TNFRSF19: variants seen among roughly 807,000 people sequenced by gnomAD.
The protein encoded by TNFRSF19 is TNF receptor superfamily member 19.
A neutral mutation model predicts 46.4 loss-of-function variants in TNFRSF19; 27 were observed. The ratio of observed to expected loss-of-function variants is 0.58; its 90% confidence interval spans 0.43 to 0.80. The LOEUF (loss-of-function observed/expected upper bound fraction) is 0.80, where lower values mean the gene tolerates loss of function less well. Ranked by LOEUF, TNFRSF19 falls within the 30% of genes least tolerant of loss-of-function variation. TNFRSF19 has a pLI of 0.00. For synonymous variants in TNFRSF19, 204 were observed against 205.0 expected (o/e 1.00, Z 0.04); for missense variants, 511 against 530.8 (o/e 0.96, Z 0.37).
chr13:23,597,594 G>A (rs1879825910), intron 3 of TNFRSF19, among the ~76,000 whole-genome samples: 1 of 144,272 alleles, frequency 6.9e-6, no homozygotes, highest in Admixed American at 6.9e-5. Context: ...CTGAAATTGA[G>A]GCAATAATTA....
chr13:23,601,532 C>A (rs1880165807), intron 3 of TNFRSF19, among the ~76,000 whole-genome samples: 1 of 152,118 alleles, frequency 6.6e-6, no homozygotes, highest in Non-Finnish European at 1.5e-5. Context: ...CATGGATCTA[C>A]ATAAAAGAGC....
At chr13:23,664,645 G>A (rs1951588795) in intron 7 of TNFRSF19, among the ~76,000 whole-genome samples, 1 of 152,122 alleles carries the variant, frequency 6.6e-6, no homozygotes, top group Non-Finnish European at 1.5e-5. Flanking sequence ...TGTCCTCTTG[G>A]AACTGTCTAA....
rs1053372129 is a variant in TNFRSF19 at position 23,614,966 on chromosome 13, A to G, written c.181-901A>G. 1.8e-4 allele frequency among the ~76,000 whole-genome samples: 28 copies of G among 152,050 alleles called. 1 individual carries two copies. Among genetic ancestry groups the G allele is most frequent in the Non-Finnish European group, 4.1e-4 (28 of 68,012 alleles). On this transcript the variant is annotated intron_variant, in intron 3 of 9. Coordinates refer to ENST00000248484, the MANE Select transcript of TNFRSF19 (RefSeq NM_148957.4). ...GATTGGGAAGGAGTATGGATTATTGAGATAATGGTGTAAAGTTCTTGGTCT... is the reference window on the plus strand; with the variant it reads ...GATTGGGAAGGAGTATGGATTATTGGGATAATGGTGTAAAGTTCTTGGTCT...
chr13:23,585,450 C>G (rs1878755978), intron 1 of TNFRSF19: 1 of 152,186 alleles, frequency 6.6e-6, no homozygotes. Flanking sequence ...CATTCTTCCT[C>G]CTTAGTGATT....
intron 1 of TNFRSF19, among the ~76,000 whole-genome samples, chr13:23,577,021 G>T (rs1256696515): frequency 6.6e-6 from 1 of 152,200 alleles, no homozygotes; most frequent in Admixed American, 6.5e-5. Flanking sequence ...TAAGTGCTAG[G>T]CATTGGCCTA....
intron 5 of TNFRSF19, among the ~76,000 whole-genome samples, chr13:23,651,987 T>TA (rs1468997971): frequency 6.6e-6 from 1 of 151,260 alleles, no homozygotes; most frequent in Non-Finnish European, 1.5e-5. Context: ...TGTTTGGCAT[T>TA]AAAAAGTATG....
At chr13:23,649,429 A>G (rs1883511159) in intron 5 of TNFRSF19, among the ~76,000 whole-genome samples, 2 of 151,830 alleles carry the variant, frequency 1.3e-5, no homozygotes, top group Non-Finnish European at 2.9e-5. Flanking sequence ...TCATTTCTGA[A>G]TTTAGTAATT....
At chr13:23,673,303 C>T in intron 9 of TNFRSF19, 69 bp from the exon 10 acceptor site, 1 of 1,520,816 alleles carries the variant, frequency 6.6e-7, no homozygotes, top group South Asian at 1.3e-5. Context: ...TAATTCTTTA[C>T]CATTGAAATT....
At chr13:23,620,172 T>TTTAA (rs538098362) in intron 4 of TNFRSF19, among the ~76,000 whole-genome samples, 29 of 152,332 alleles carry the variant, frequency 1.9e-4, no homozygotes, top group African/African-American at 7.0e-4. Context: ...ACTCTTCCAG[T>TTTAA]TTAACTGTAC....
intron 1 of TNFRSF19, among the ~76,000 whole-genome samples, chr13:23,577,795 A>C (rs1250086884): frequency 6.6e-6 from 1 of 152,196 alleles, no homozygotes; most frequent in African/African-American, 2.4e-5. Context: ...GTAGGGCTGC[A>C]CCTGGACATC....
intron 1 of TNFRSF19, among the ~76,000 whole-genome samples, chr13:23,584,599 G>A (rs991379124): frequency 2.7e-5 from 4 of 149,976 alleles, no homozygotes; most frequent in African/African-American, 7.4e-5. Context: ...CCAGTAGTGG[G>A]ATTGCTGGAT....
intron 4 of TNFRSF19, among the ~76,000 whole-genome samples, chr13:23,621,778 TAAA>T (rs201195182): frequency 9.5e-4 from 139 of 146,942 alleles, no homozygotes; most frequent in Non-Finnish European, 9.4e-4. Context: ...ACCCTATCTC[TAAA>T]AAAAAAAAAA....
At chr13:23,615,171 T>C (rs1881185211) in intron 3 of TNFRSF19, among the ~76,000 whole-genome samples, 1 of 152,178 alleles carries the variant, frequency 6.6e-6, no homozygotes, top group South Asian at 2.1e-4. Context: ...GTTTACTGAG[T>C]TCTTGAACTT....
At chr13:23,629,428 T>C (rs1882213988) in intron 5 of TNFRSF19, among the ~76,000 whole-genome samples, 1 of 152,174 alleles carries the variant, frequency 6.6e-6, no homozygotes, top group Non-Finnish European at 1.5e-5. Context: ...TTGCTCTGGA[T>C]TTCCCATTTC....
intron 5 of TNFRSF19, among the ~76,000 whole-genome samples, chr13:23,646,917 G>C (rs1883364177): frequency 6.6e-6 from 1 of 152,098 alleles, no homozygotes; most frequent in Non-Finnish European, 1.5e-5. Flanking sequence ...ATTCACACAG[G>C]TCCCAATTTC....
intron 5 of TNFRSF19, among the ~76,000 whole-genome samples, chr13:23,645,441 A>T (rs894250427): frequency 4.0e-4 from 61 of 152,268 alleles, no homozygotes; most frequent in African/African-American, 1.4e-3. Flanking sequence ...GCATCAAGTG[A>T]TCTTACCGCC....
intron 4 of TNFRSF19, among the ~76,000 whole-genome samples, chr13:23,616,784 A>G (rs1439908050): frequency 1.3e-5 from 2 of 151,990 alleles, no homozygotes; most frequent in Non-Finnish European, 2.9e-5. Flanking sequence ...GTGTTTCTCC[A>G]TGTTGGTTGG....
intron 5 of TNFRSF19, among the ~76,000 whole-genome samples, chr13:23,642,859 C>T (rs961149864): frequency 2.0e-5 from 3 of 152,234 alleles, no homozygotes; most frequent in African/African-American, 7.2e-5. Context: ...TTCCAGTTTA[C>T]TCCTCATTGA....
chr13:23,665,196 C>A (rs1204540299), intron 7 of TNFRSF19, among the ~76,000 whole-genome samples: 1 of 152,142 alleles, frequency 6.6e-6, no homozygotes, highest in Non-Finnish European at 1.5e-5. Context: ...TTCCTAGATA[C>A]AATACCGTGG....
Sources: allele counts gnomAD v4.1 joint callset (sites outside exome capture counted in the v4.1 genomes callset), GRCh38; gene constraint gnomAD v4.1.1; transcripts MANE v1.5; gene names NCBI Gene and HGNC (gene_info 2026-07-23, HGNC 2026-07-21).